The following GPC5 variants were observed in gnomAD, a reference collection of about 807,000 sequenced individuals.
GPC5 encodes glypican 5, also known as glypican-5.
GPC5 carries 47 observed loss-of-function variants against 53.9 expected under a neutral mutation model. The observed-to-expected ratio is 0.87, with a 90% confidence interval of 0.69 to 1.11. The LOEUF (loss-of-function observed/expected upper bound fraction) is 1.11, where lower values mean the gene tolerates loss of function less well. Among genes scored for constraint, GPC5 ranks in the 50% most tolerant of loss-of-function variants. The pLI is 0.00. For synonymous variants in GPC5, 286 were observed against 263.3 expected (o/e 1.09, Z -0.84); for missense variants, 748 against 713.1 (o/e 1.05, Z -0.56).
intron 5 of GPC5, among the ~76,000 whole-genome samples, chr13:91,834,553 G>A (rs997021589): frequency 6.6e-6 from 1 of 152,052 alleles, no homozygotes; most frequent in Non-Finnish European, 1.5e-5. Flanking sequence ...CAGATATATA[G>A]ACCAATGGAA....
At chr13:92,039,959 A>G (rs921744899) in intron 6 of GPC5, among the ~76,000 whole-genome samples, 4 of 152,186 alleles carry the variant, frequency 2.6e-5, no homozygotes, top group Non-Finnish European at 5.9e-5. Context: ...TTCAGCCTGT[A>G]ATATCGTTTG....
intron 6 of GPC5, among the ~76,000 whole-genome samples, chr13:91,966,456 G>A (rs887087390): frequency 2.6e-5 from 4 of 152,080 alleles, no homozygotes; most frequent in East Asian, 1.9e-4. Flanking sequence ...AAATTGCTTC[G>A]TAGTAAAATA....
At chr13:91,478,879 C>CT (rs1383286711) in intron 2 of GPC5, among the ~76,000 whole-genome samples, 1,780 of 42,542 alleles carry the variant, frequency 0.042, 212 homozygotes, top group African/African-American at 0.11. Flanking sequence ...TATATATACA[C>CT]ATTATATATA....
intron 7 of GPC5, among the ~76,000 whole-genome samples, chr13:92,643,350 C>T (rs1885657344): frequency 6.6e-6 from 1 of 152,034 alleles, no homozygotes; most frequent in Admixed American, 6.6e-5. Flanking sequence ...CTAGAAATAC[C>T]ATTTGACCCA....
intron 7 of GPC5, among the ~76,000 whole-genome samples, chr13:92,590,947 T>G (rs1883693036): frequency 6.6e-6 from 1 of 152,238 alleles, no homozygotes; most frequent in Non-Finnish European, 1.5e-5. Context: ...CCTTTCTGTG[T>G]GTCTGTTCTG....
At chr13:92,034,493 C>T (rs1028293691) in intron 6 of GPC5, among the ~76,000 whole-genome samples, 3 of 151,860 alleles carry the variant, frequency 2.0e-5, no homozygotes, top group African/African-American at 7.3e-5. Context: ...AGTGAAACTC[C>T]ATCTCAAAAT....
At chr13:92,285,679 G>T (rs2042949018) in intron 7 of GPC5, among the ~76,000 whole-genome samples, 1 of 152,156 alleles carries the variant, frequency 6.6e-6, no homozygotes, top group Admixed American at 6.6e-5. Flanking sequence ...GGGAAAACTG[G>T]CTAGCCATAT....
At chr13:92,716,764 G>A (rs894472087) in intron 7 of GPC5, among the ~76,000 whole-genome samples, 6 of 152,084 alleles carry the variant, frequency 3.9e-5, no homozygotes, top group East Asian at 1.9e-4. Flanking sequence ...CAAGATGAAC[G>A]TCTCAGACTA....
At chr13:92,381,962 GTATC>G (rs58251052) in intron 7 of GPC5, among the ~76,000 whole-genome samples, 8,001 of 125,978 alleles carry the variant, frequency 0.064, 568 homozygotes, top group African/African-American at 0.17. Context: ...ATGTATGTAT[GTATC>G]TATCTATCTA....
At chr13:91,587,262 A>G (rs748600610) in intron 2 of GPC5, among the ~76,000 whole-genome samples, 10 of 152,196 alleles carry the variant, frequency 6.6e-5, no homozygotes, top group Non-Finnish European at 1.3e-4. Flanking sequence ...CTTTAAAGTC[A>G]TTTGATATAC....
chr13:92,108,675 T>G (rs1180202324), intron 6 of GPC5, among the ~76,000 whole-genome samples: 1 of 152,202 alleles, frequency 6.6e-6, no homozygotes, highest in African/African-American at 2.4e-5. Context: ...GCAATCCTAT[T>G]CTAGACAAAT....
At chr13:92,280,802 C>T (rs1390596683) in intron 7 of GPC5, among the ~76,000 whole-genome samples, 2 of 152,148 alleles carry the variant, frequency 1.3e-5, no homozygotes, top group Admixed American at 6.6e-5. Context: ...CAGCTCCAGT[C>T]TATAGCTCCC....
intron 7 of GPC5, among the ~76,000 whole-genome samples, chr13:92,819,442 T>C (rs1447151940): frequency 2.0e-5 from 3 of 152,322 alleles, no homozygotes; most frequent in Non-Finnish European, 4.4e-5. Context: ...AATTCCCTCA[T>C]TAATAAAATG....
chr13:91,908,205 A>G, intron 6 of GPC5, 148 bp downstream of exon 6: 2 of 637,742 alleles, frequency 3.1e-6, no homozygotes, highest in South Asian at 2.5e-5. Flanking sequence ...ATTTGGAAAT[A>G]TTTAGTTTCA....
intron 6 of GPC5, among the ~76,000 whole-genome samples, chr13:92,057,246 G>A (rs2041082267): frequency 6.6e-6 from 1 of 152,132 alleles, no homozygotes; most frequent in African/African-American, 2.4e-5. Flanking sequence ...GCTCAAGGTA[G>A]CCAAACTGAG....
intron 7 of GPC5, among the ~76,000 whole-genome samples, chr13:92,704,893 A>ATATATACTCAATGTGTGTATATG (rs1887897254): frequency 2.0e-5 from 3 of 147,958 alleles, no homozygotes; most frequent in Admixed American, 1.4e-4. Context: ...GTGTGTATAT[A>ATATATACTCAATGTGTGTATATG]TATGAGTATA....
chr13:92,136,353 A>G (rs1224990630), intron 6 of GPC5, among the ~76,000 whole-genome samples: 5 of 151,894 alleles, frequency 3.3e-5, no homozygotes, highest in African/African-American at 9.7e-5. Context: ...AATTGCATGT[A>G]TATATCCATA....
At chr13:92,855,639 A>C (rs1325678219) in intron 7 of GPC5, among the ~76,000 whole-genome samples, 1 of 145,902 alleles carries the variant, frequency 6.9e-6, no homozygotes, top group Non-Finnish European at 1.5e-5. Context: ...AAAAGTGAAG[A>C]CCCAAACACA....
chr13:91,716,577 T>C (rs1016920171), intron 3 of GPC5, among the ~76,000 whole-genome samples: 1 of 152,240 alleles, frequency 6.6e-6, no homozygotes, highest in African/African-American at 2.4e-5. Context: ...TTATTTTTTA[T>C]TTGGTTATCT....
Sources: gnomAD v4.1 joint callset for allele counts (sites outside exome capture counted in the v4.1 genomes callset) on GRCh38, gnomAD v4.1.1 for gene constraint, MANE v1.5 for transcripts, NCBI Gene and HGNC (gene_info 2026-07-23, HGNC 2026-07-21) for gene names.